KAZN: variants seen among roughly 807,000 people sequenced by gnomAD.
KAZN encodes the protein kazrin.
Under a neutral mutation model 87.4 loss-of-function variants are expected in KAZN, and 40 were observed. The observed-to-expected ratio is 0.46, with a 90% CI of 0.36 to 0.60. The LOEUF is 0.60. Among genes scored for constraint, KAZN ranks in the 20% least tolerant of loss-of-function variants. KAZN has a pLI of 0.00. For synonymous variants in KAZN, 466 were observed against 458.3 expected, an observed-to-expected ratio of 1.02 and a Z score of -0.22; for missense variants, 898 against 1,073.9, an observed-to-expected ratio of 0.84 and a Z score of 2.29.
intron 2 of KAZN, among the ~76,000 whole-genome samples, chr1:14,203,980 C>T (rs184826323): frequency 2.6e-5 from 4 of 152,234 alleles, no homozygotes; most frequent in African/African-American, 9.6e-5. Flanking sequence ...TCAGTGTTCT[C>T]CAGAGAGTGG....
chr1:14,721,652 T>G (rs1643115030), intron 1 of KAZN, among the ~76,000 whole-genome samples: 1 of 152,218 alleles, frequency 6.6e-6, no homozygotes, highest in South Asian at 2.1e-4. Flanking sequence ...AAAGGTATCT[T>G]GGTGATGTCT....
intron 2 of KAZN, among the ~76,000 whole-genome samples, chr1:14,484,005 T>A (rs994267482): frequency 6.6e-6 from 1 of 152,226 alleles, no homozygotes; most frequent in Non-Finnish European, 1.5e-5. Flanking sequence ...TCCAGTACCG[T>A]TTATTAAAGA....
At chr1:14,600,835 C>T (rs2148598877) in intron 1 of KAZN, among the ~76,000 whole-genome samples, 1 of 152,290 alleles carries the variant, frequency 6.6e-6, no homozygotes, top group African/African-American at 2.4e-5. Context: ...CACTGTCTGC[C>T]CCTTTCTCCG....
intron 2 of KAZN, among the ~76,000 whole-genome samples, chr1:14,376,959 T>A (rs1660963275): frequency 6.6e-6 from 1 of 152,244 alleles, no homozygotes; most frequent in South Asian, 2.1e-4. Context: ...TGGTGCTGAG[T>A]ACCAAATAGG....
At chr1:14,959,528 G>A (rs1314074898) in intron 1 of KAZN, among the ~76,000 whole-genome samples, 21 of 152,144 alleles carry the variant, frequency 1.4e-4, no homozygotes, top group Non-Finnish European at 1.0e-4. Context: ...GGAAGGCAGT[G>A]TGCGGAGGGT....
At chr1:14,756,828 A>C in intron 1 of KAZN, among the ~76,000 whole-genome samples, 1 of 152,222 alleles carries the variant, frequency 6.6e-6, no homozygotes, top group South Asian at 2.1e-4. Flanking sequence ...CTTTGTCTTA[A>C]CTGGCTTGGC....
intron 2 of KAZN, among the ~76,000 whole-genome samples, chr1:14,285,324 C>G (rs1409977765): frequency 6.6e-6 from 1 of 152,182 alleles, no homozygotes; most frequent in African/African-American, 2.4e-5. Flanking sequence ...AAACAGAGAA[C>G]ACTAGACATT....
chr1:14,925,419 A>T (rs1490715441), intron 1 of KAZN, among the ~76,000 whole-genome samples: 1 of 152,176 alleles, frequency 6.6e-6, no homozygotes, highest in South Asian at 2.1e-4. Flanking sequence ...CAACATAATT[A>T]TTCCTTATTC....
intron 2 of KAZN, among the ~76,000 whole-genome samples, chr1:14,182,919 T>C (rs1023005814): frequency 2.6e-5 from 4 of 152,168 alleles, no homozygotes; most frequent in African/African-American, 9.7e-5. Flanking sequence ...CTTAGGTTTT[T>C]GTGTTGCAGG....
At chr1:14,339,340 ATC>A (rs1193273901) in intron 2 of KAZN, among the ~76,000 whole-genome samples, 1 of 152,196 alleles carries the variant, frequency 6.6e-6, no homozygotes. Flanking sequence ...TATGAATTAA[ATC>A]TCTCCTATGT....
rs142281566 is a variant in KAZN at position 14,549,548 on chromosome 1, A to G, written c.250-49435A>G. On this transcript the variant is annotated intron_variant, in intron 2 of 16. Coordinates refer to the KAZN transcript ENST00000636203. ...GTCTCATCCTGAGGTTTCCAGGACC[A>G]ACATGGGTAATGGACCCAAACTTAC... Among the ~76,000 whole-genome samples, 936 of 152,120 alleles carry G rather than the reference A, an allele frequency of 6.2e-3. 8 individuals are homozygous for G. Among genetic ancestry groups the G allele is most frequent in the African/African-American group, 0.021 (880 of 41,468 alleles).
At chr1:14,370,492 G>A (rs1316508856) in intron 2 of KAZN, among the ~76,000 whole-genome samples, 1 of 152,174 alleles carries the variant, frequency 6.6e-6, no homozygotes, top group East Asian at 1.9e-4. Context: ...GTGGTTTGGG[G>A]AGGGGACAGC....
At chr1:14,678,859 A>AT (rs2148754976) in intron 1 of KAZN, among the ~76,000 whole-genome samples, 1 of 152,368 alleles carries the variant, frequency 6.6e-6, no homozygotes, top group South Asian at 2.1e-4. Context: ...AATAGGGGAT[A>AT]TATAGATGGG....
chr1:14,829,089 T>C (rs1362496510), intron 1 of KAZN, among the ~76,000 whole-genome samples: 1 of 152,162 alleles, frequency 6.6e-6, no homozygotes, highest in Non-Finnish European at 1.5e-5. Context: ...GAGTATACTG[T>C]TACTCTGAAC....
chr1:14,384,603 T>C (rs1292307489), intron 2 of KAZN, among the ~76,000 whole-genome samples: 1 of 152,232 alleles, frequency 6.6e-6, no homozygotes, highest in East Asian at 1.9e-4. Context: ...GTTCTGTTTA[T>C]ATGCTGGATT....
At chr1:14,008,772 TTC>T in intron 1 of KAZN, among the ~76,000 whole-genome samples, 1 of 152,324 alleles carries the variant, frequency 6.6e-6, no homozygotes, top group East Asian at 1.9e-4. Flanking sequence ...TCATTTAATT[TTC>T]TCTTTTCCCA....
chr1:14,162,687 G>C (rs1645735690), intron 1 of KAZN, among the ~76,000 whole-genome samples: 1 of 151,910 alleles, frequency 6.6e-6, no homozygotes, highest in Non-Finnish European at 1.5e-5. Context: ...TGGGACTACA[G>C]GCATCCACCA....
At chr1:15,032,194 C>T (rs56340239) in intron 2 of KAZN, among the ~76,000 whole-genome samples, 31,402 of 70,744 alleles carry the variant, frequency 0.44, 5,565 homozygotes, top group Non-Finnish European at 0.47. Context: ...TTTTTTTTTT[C>T]TTTTTTTTTT....
intron 2 of KAZN, among the ~76,000 whole-genome samples, chr1:14,983,019 C>A (rs920728460): frequency 6.6e-6 from 1 of 152,222 alleles, no homozygotes; most frequent in African/African-American, 2.4e-5. Context: ...AGACGCCCTG[C>A]AGCTTGTCCT....
Sources: gnomAD v4.1 joint callset for allele counts (sites outside exome capture counted in the v4.1 genomes callset) on GRCh38, gnomAD v4.1.1 for gene constraint, MANE v1.5 for transcripts, NCBI Gene and HGNC (gene_info 2026-07-23, HGNC 2026-07-21) for gene names.